The following ZBBX variants were observed in gnomAD, a reference collection of about 807,000 sequenced individuals.
ZBBX encodes the protein zinc finger B-box domain containing, also known as zinc finger B-box domain-containing protein 1.
A neutral mutation model predicts 108.5 loss-of-function variants in ZBBX; 101 were observed. The observed-to-expected ratio is 0.93, with a 90% CI of 0.79 to 1.10. The LOEUF (loss-of-function observed/expected upper bound fraction) is 1.10. Ranked by LOEUF, ZBBX falls within the 50% of genes least tolerant of loss-of-function variation. The pLI is 0.00. For synonymous variants in ZBBX, 356 were observed against 323.4 expected (o/e 1.10, Z -1.08); for missense variants, 1,009 against 941.4 (o/e 1.07, Z -0.94).
chr3:167,259,667 G>A (rs575901872), intron 20 of ZBBX, among the ~76,000 whole-genome samples: 8 of 151,966 alleles, frequency 5.3e-5, no homozygotes, highest in African/African-American at 9.7e-5. Context: ...GTTTTGATAC[G>A]TTGTGTCATT....
chr3:167,333,429 G>T (rs939280736), intron 10 of ZBBX, among the ~76,000 whole-genome samples: 6 of 152,066 alleles, frequency 3.9e-5, no homozygotes, highest in Admixed American at 3.9e-4. Context: ...ATATAACTGT[G>T]CAATTGCCTG....
chr3:167,368,899 A>G (rs1011477792), intron 4 of ZBBX: 5 of 235,652 alleles, frequency 2.1e-5, no homozygotes, highest in Non-Finnish European at 3.6e-5. Flanking sequence ...CGAAATAAAA[A>G]TATTGTCCAA....
chr3:167,382,993 ATTTTCTTT>A (rs1747798950), upstream of ZBBX, among the ~76,000 whole-genome samples: 1 of 152,096 alleles, frequency 6.6e-6, no homozygotes, highest in Non-Finnish European at 1.5e-5. Context: ...CAGCTACCAA[ATTTTCTTT>A]GAACCAGCTT....
the ZBBX span, among the ~76,000 whole-genome samples, chr3:167,204,241 TTC>T: frequency 0.029 from 3,098 of 106,408 alleles, 104 homozygotes; most frequent in African/African-American, 0.082. Flanking sequence ...TTCTTTTCTT[TTC>T]TTTTTTTTTT....
intron 20 of ZBBX, chr3:167,248,699 A>C (rs1722032246): frequency 6.6e-6 from 3 of 456,206 alleles, no homozygotes; most frequent in Non-Finnish European, 1.3e-5. Flanking sequence ...CAACAGGTAT[A>C]ATGTAAATGG....
At chr3:167,387,956 G>A (rs13060971) in intron 1 of ZBBX, among the ~76,000 whole-genome samples, 69,281 of 151,754 alleles carry the variant, frequency 0.46, 16,618 homozygotes, top group African/African-American at 0.6. Context: ...GATACCTACC[G>A]TATGCCAGGT....
At chr3:167,298,917 C>T (rs558012253) in intron 17 of ZBBX, among the ~76,000 whole-genome samples, 7 of 152,060 alleles carry the variant, frequency 4.6e-5, no homozygotes, top group Non-Finnish European at 1.0e-4. Context: ...TAACAAAACA[C>T]TCATCATGAA....
chr3:167,220,197 A>T, the ZBBX span, among the ~76,000 whole-genome samples: 1 of 152,004 alleles, frequency 6.6e-6, no homozygotes, highest in Non-Finnish European at 1.5e-5. Flanking sequence ...ACAATTCTGT[A>T]AAATAGAGAA....
At chr3:167,294,031 C>T (rs986080932) in intron 18 of ZBBX, among the ~76,000 whole-genome samples, 13 of 152,086 alleles carry the variant, frequency 8.5e-5, no homozygotes, top group African/African-American at 2.4e-4. Context: ...AACCACTGCT[C>T]AAGGAAATAA....
intron 21 of ZBBX, 22 bp downstream of exon 21, chr3:167,242,483 A>G (rs1720851726): frequency 1.3e-6 from 2 of 1,579,262 alleles, no homozygotes; most frequent in Non-Finnish European, 1.7e-6. Flanking sequence ...ATATTAATAA[A>G]TAAACTGCAG....
At chr3:167,393,804 A>C (rs532138384) in intron 1 of ZBBX, among the ~76,000 whole-genome samples, 2 of 151,922 alleles carry the variant, frequency 1.3e-5, no homozygotes, top group Non-Finnish European at 2.9e-5. Flanking sequence ...ACAACTAATT[A>C]AAAACATGAT....
chr3:167,322,993 C>G (rs932267644), intron 11 of ZBBX, among the ~76,000 whole-genome samples: 2 of 151,942 alleles, frequency 1.3e-5, no homozygotes, highest in Non-Finnish European at 2.9e-5. Context: ...GAAACAGCTA[C>G]GGGCCAGCAA....
At chr3:167,218,980 T>C in the ZBBX span, among the ~76,000 whole-genome samples, 45 of 96,350 alleles carry the variant, frequency 4.7e-4, no homozygotes, top group African/African-American at 4.1e-4. Context: ...GGAGTAGCTA[T>C]ACTTGTATCA....
intron 18 of ZBBX, among the ~76,000 whole-genome samples, chr3:167,289,688 C>A (rs191122812): frequency 7.3e-4 from 111 of 152,274 alleles, no homozygotes; most frequent in African/African-American, 2.5e-3. Flanking sequence ...GAGCAGACAC[C>A]GAGCTAGCCA....
intron 10 of ZBBX, among the ~76,000 whole-genome samples, chr3:167,332,610 T>C (rs987213723): frequency 6.6e-6 from 1 of 152,122 alleles, no homozygotes; most frequent in Non-Finnish European, 1.5e-5. Flanking sequence ...AAACCTTACA[T>C]GGTTATTGAG....
At chr3:167,250,441 T>A (rs1440930803) in intron 20 of ZBBX, among the ~76,000 whole-genome samples, 2 of 152,248 alleles carry the variant, frequency 1.3e-5, no homozygotes, top group African/African-American at 4.8e-5. Flanking sequence ...GCTGTTAGTA[T>A]ATTTCACTTC....
chr3:167,336,140 T>C (rs1322590213), intron 9 of ZBBX, among the ~76,000 whole-genome samples: 1 of 152,034 alleles, frequency 6.6e-6, no homozygotes, highest in Non-Finnish European at 1.5e-5. Context: ...TTCAAATATA[T>C]GTTTATTTAA....
chr3:167,275,559 C>T (rs576426441), intron 20 of ZBBX, among the ~76,000 whole-genome samples: 51 of 152,292 alleles, frequency 3.3e-4, no homozygotes, highest in African/African-American at 9.1e-4. Flanking sequence ...CCGAATACTG[C>T]GCTTTTCCAA....
intron 10 of ZBBX, among the ~76,000 whole-genome samples, chr3:167,332,348 T>C (rs1738800733): frequency 6.6e-6 from 1 of 152,024 alleles, no homozygotes; most frequent in Admixed American, 6.6e-5. Context: ...CAATCATATG[T>C]ATTTCTTTAA....
Sources: allele counts gnomAD v4.1 joint callset (sites outside exome capture counted in the v4.1 genomes callset), GRCh38; gene constraint gnomAD v4.1.1; transcripts MANE v1.5; gene names NCBI Gene and HGNC (gene_info 2026-07-23, HGNC 2026-07-21).